The following DLG5 variants were observed in gnomAD, a reference collection of about 807,000 sequenced individuals.
The protein encoded by DLG5 is disks large homolog 5.
DLG5 carries 48 observed loss-of-function variants against 189.8 expected under a neutral mutation model. The ratio of observed to expected loss-of-function variants is 0.25; its 90% CI spans 0.20 to 0.32. The LOEUF (loss-of-function observed/expected upper bound fraction) is 0.32, where lower values mean the gene tolerates loss of function less well. DLG5 is among the 10% of genes least tolerant of loss of function. DLG5 has a pLI of 1.00. For synonymous variants in DLG5, 1,016 were observed against 1,054.1 expected (o/e 0.96, Z 0.70); for missense variants, 2,160 against 2,544.7 (o/e 0.85, Z 3.25).
rs1475269384 is a variant in DLG5 at position 77,791,262 on chromosome 10, A to G, written c.*1178T>C. ...ACGACACTTACACAGAGCCCAGTAC[A>G]GTACCTATTATTAACAGGACGCATA... is the stretch of plus-strand genomic sequence containing the variant. On this transcript the variant is annotated 3_prime_UTR_variant, in exon 32 of 32. Transcript: ENST00000372391. The G allele has an allele frequency of 6.6e-6, 1 of 152,468 alleles. No individual in the cohort carries two copies. The highest frequency in any genetic ancestry group is 1.5e-5 in the Non-Finnish European group (1 of 68,016). The allele number at this position is 152,468 out of a possible 1,614,324, so 9.4% of individuals were successfully genotyped here.
intron 10 of DLG5, 91 bp downstream of exon 10, chr10:77,830,650 G>C: frequency 1.9e-6 from 3 of 1,541,486 alleles, no homozygotes; most frequent in Non-Finnish European, 2.6e-6. Flanking sequence ...TCCAAACTTG[G>C]AGTGGTGAAA....
chr10:77,863,623 G>A (rs2154576931), intron 2 of DLG5, among the ~76,000 whole-genome samples: 1 of 152,334 alleles, frequency 6.6e-6, no homozygotes, highest in South Asian at 2.1e-4. Flanking sequence ...TTCTAACCTT[G>A]TGCAGTTGTT....
intron 5 of DLG5, chr10:77,846,715 A>C: frequency 2.2e-6 from 1 of 456,208 alleles, no homozygotes; most frequent in Non-Finnish European, 4.4e-6. Context: ...AAATTACCTC[A>C]AATGTTTTAC....
At chr10:77,926,795 G>A (rs1441620752), upstream of DLG5, 3 of 171,426 alleles carry the variant, frequency 1.8e-5, no homozygotes, top group Non-Finnish European at 3.6e-5. This position sits in a 1 kb window ranked among gnomAD's most constrained non-coding sequence, Gnocchi z 5.2. Flanking sequence ...GAAGGAGGAG[G>A]CGGAGGTGGG....
intron 1 of DLG5, among the ~76,000 whole-genome samples, chr10:77,871,660 A>G (rs973661884): frequency 7.1e-6 from 1 of 141,326 alleles, no homozygotes; most frequent in African/African-American, 2.7e-5. Context: ...CTCCTGCCCC[A>G]GCCTCCTGAG....
intron 1 of DLG5, among the ~76,000 whole-genome samples, chr10:77,873,429 C>T (rs1337888676): frequency 6.6e-6 from 1 of 152,116 alleles, no homozygotes; most frequent in Non-Finnish European, 1.5e-5. Flanking sequence ...AGCCTGGTGA[C>T]CCTCTGGGAC....
chr10:77,839,550 G>T (rs562889540), intron 7 of DLG5, among the ~76,000 whole-genome samples: 1 of 152,236 alleles, frequency 6.6e-6, no homozygotes, highest in Non-Finnish European at 1.5e-5. Flanking sequence ...ATCCACACGG[G>T]CTCGCTGTTA....
intron 1 of DLG5, among the ~76,000 whole-genome samples, chr10:77,886,273 GGCTTCCTGCCCTCTGA>G (rs1845435804): frequency 1.3e-5 from 2 of 152,042 alleles, no homozygotes; most frequent in Admixed American, 1.3e-4. Flanking sequence ...ACGCACCCTG[GGCTTCCTGCCCTCTGA>G]GCTTCCTGAA....
In DLG5 at chr10:77,807,898, A is replaced by G. The variant is rs774460223; in HGVS notation, c.4694T>C (p.Val1565Ala). 2 of 1,614,186 alleles carry G rather than the reference A, an allele frequency of 1.2e-6. No individual in the cohort carries two copies. The highest frequency in any genetic ancestry group is 2.2e-5 in the South Asian group (2 of 91,082). Residue 1565 changes from valine (V) to alanine (A), a missense_variant, in exon 25 of 32, where the codon GTG (valine) becomes GCG (alanine). Around this residue, in one of 5 missense-constraint regions of DLG5, gnomAD observed 574 missense variants for 644.2 expected, o/e 0.89. Coordinates refer to ENST00000372391, the MANE Select transcript of DLG5 (RefSeq NM_004747.4). ...VRNKTVEEVY[V>A]EMLKPRDGVR... ...GCCATCCCTGGGCTTCAGCATCTCC[A>G]CATAGACTTCCTCCACTGTCTTGTT... is the stretch of plus-strand genomic sequence containing the variant.
chr10:77,898,447 G>A (rs1038789864), intron 1 of DLG5, among the ~76,000 whole-genome samples: 9 of 152,252 alleles, frequency 5.9e-5, no homozygotes, highest in Admixed American at 1.3e-4. Flanking sequence ...CCAGCCCTCC[G>A]GGCACACAGG....
chr10:77,830,890 C>A lies in DLG5; in HGVS notation c.1749-17G>T. 1 of 1,613,146 alleles carries A rather than the reference C, an allele frequency of 6.2e-7. No individual in the cohort carries two copies. On this transcript the variant is annotated splice_polypyrimidine_tract_variant and intron_variant, in intron 9 of 31. Transcript: ENST00000372391. ...ATCTGTTCCCTGTGAACAGAGAGAG[C>A]CACGGTGACAGCCCCTTGGGAGGTG...
intron 1 of DLG5, among the ~76,000 whole-genome samples, chr10:77,916,737 T>C (rs1846368613): frequency 6.6e-6 from 1 of 151,940 alleles, no homozygotes; most frequent in African/African-American, 2.4e-5. Flanking sequence ...AATTACCATA[T>C]GACCCAGCAA....
chr10:77,809,649 G>A lies in DLG5; in HGVS notation c.4545C>T (p.His1515=), dbSNP rs369000494. 136 of 1,614,190 alleles carry A rather than the reference G, an allele frequency of 8.4e-5. No homozygotes were observed. In the South Asian group the frequency reaches 1.2e-3, roughly 14 times the overall value. ...IKKSQLELGV[H]LCGGNLHGVF... Reference sequence around the variant, plus strand: ...CCCCATGCAGGTTCCCACCACACAAGTGCACCCCAAGCTCCAGCTGGGACT... The same window carrying A: ...CCCCATGCAGGTTCCCACCACACAAATGCACCCCAAGCTCCAGCTGGGACT... The change falls in exon 24 of 32, where the codon CAC becomes CAT. Residue 1515 remains histidine, a synonymous_variant. Transcript: ENST00000372391.
chr10:77,796,056 G>A lies in DLG5; in HGVS notation c.5436+5C>T, dbSNP rs1387058053. On this transcript the variant is annotated splice_donor_5th_base_variant and intron_variant, in intron 29 of 31. Coordinates refer to ENST00000372391, the MANE Select transcript of DLG5 (RefSeq NM_004747.4). The surrounding 1 kb of genome is among the most constrained non-coding windows in gnomAD (Gnocchi z 5.2). ...GCCTAATCCTCAGACTGAAGCCCTG[G>A]GTACCTTTTCTGTGATCTCCTTTAT... The A allele has an allele frequency of 1.9e-6, 3 of 1,614,160 alleles. No homozygotes were observed. The highest frequency in any genetic ancestry group is 2.2e-5 in the South Asian group (2 of 91,088).
intron 9 of DLG5, 62 bp downstream of exon 9, chr10:77,833,852 G>C (rs1842991955): frequency 6.3e-7 from 1 of 1,587,132 alleles, no homozygotes; most frequent in African/African-American, 1.3e-5. Context: ...TTGCCCAGAA[G>C]GGAGAGGGGC....
At position 77,835,836 on chromosome 10, in the gene DLG5, C is replaced by T. The variant is rs1843102622; in HGVS notation, c.1524G>A (p.Glu508=). The stretch of plus-strand genomic sequence containing the variant: ...CCGCCTCCTGGAGGGCTTCCTTCAG[C>T]TCCTGGCACAGAGCCTTGCACTGCT... ...LRKQCKALCQ[E]LKEALQEADV... Residue 508 remains glutamate, a synonymous_variant, in exon 8 of 32, where the codon GAG becomes GAA. Transcript: ENST00000372391. 1 of 1,614,132 alleles carries T rather than the reference C, an allele frequency of 6.2e-7. No individual in the cohort carries two copies. The highest frequency in any genetic ancestry group is 8.5e-7 in the Non-Finnish European group (1 of 1,179,996).
intron 7 of DLG5, among the ~76,000 whole-genome samples, chr10:77,837,214 C>CAAA (rs10531052): frequency 2.3e-4 from 16 of 69,684 alleles, no homozygotes; most frequent in African/African-American, 7.0e-4. Flanking sequence ...GACTCGGTCT[C>CAAA]AAAAAAAAAA....
At chr10:77,891,226 G>A (rs1179278325) in intron 1 of DLG5, among the ~76,000 whole-genome samples, 3 of 152,184 alleles carry the variant, frequency 2.0e-5, no homozygotes, top group Non-Finnish European at 4.4e-5. Flanking sequence ...GTGGTTTCAT[G>A]GATGTGTGAC....
intron 1 of DLG5, among the ~76,000 whole-genome samples, chr10:77,875,613 A>C (rs1845059648): frequency 6.6e-6 from 1 of 152,192 alleles, no homozygotes; most frequent in African/African-American, 2.4e-5. Flanking sequence ...AGAGCCACTC[A>C]ATTCTGTGAA....
Sources: gnomAD v4.1 joint callset for allele counts (sites outside exome capture counted in the v4.1 genomes callset) on GRCh38, gnomAD v4.1.1 for gene constraint, gnomAD v4.1.1 regional missense constraint, Gnocchi (gnomAD v3.1) non-coding constraint, MANE v1.5 for transcripts, NCBI Gene and HGNC (gene_info 2026-07-23, HGNC 2026-07-21) for gene names.